TBX5: variants seen among roughly 807,000 people sequenced by gnomAD.
TBX5 encodes the protein T-box transcription factor TBX5.
TBX5 carries 8 observed loss-of-function variants against 51.1 expected under a neutral mutation model. The ratio of observed to expected loss-of-function variants is 0.16; its 90% CI spans 0.09 to 0.28. TBX5 has a LOEUF of 0.28. Ranked by LOEUF, TBX5 falls within the 10% of genes least tolerant of loss-of-function variation. The probability of loss-of-function intolerance (pLI) is 1.00; values close to 1 mark genes in which losing one functional copy is unlikely to be tolerated. For missense variants in TBX5, 589 were observed against 671.7 expected (o/e 0.88, Z 1.36); for synonymous variants, 302 against 266.4 (o/e 1.13, Z -1.30).
At chr12:114,394,400 A>G (rs943445159) in intron 6 of TBX5, among the ~76,000 whole-genome samples, 9 of 152,212 alleles carry the variant, frequency 5.9e-5, no homozygotes, top group Non-Finnish European at 1.0e-4. Flanking sequence ...TGGCAGCACC[A>G]GAGCCATTAA....
chr12:114,368,855 C>T (rs966178804), intron 7 of TBX5, among the ~76,000 whole-genome samples: 12 of 152,134 alleles, frequency 7.9e-5, no homozygotes, highest in African/African-American at 2.9e-4. Context: ...CAGGGGTCTC[C>T]TAGCCCAGCT....
Position 114,385,435 on chromosome 12 carries a change from G to A in TBX5, c.755+41C>T, listed in dbSNP as rs2277378. On this transcript the variant is annotated intron_variant, in intron 7 of 8. Transcript: ENST00000405440. ...GCTGGCTTACCTGGGTAATTTGAGG[G>A]GTATGTGGGGAGGAGAAAGTTGAGG... The A allele has an allele frequency of 2.2e-3, 3,491 of 1,570,882 alleles. 64 individuals carry two copies. In the East Asian group the frequency reaches 0.052, roughly 24 times the overall value.
At chr12:114,365,511 T>A (rs1480837961) in intron 8 of TBX5, among the ~76,000 whole-genome samples, 1 of 152,084 alleles carries the variant, frequency 6.6e-6, no homozygotes, top group Non-Finnish European at 1.5e-5. Context: ...ATACATACAG[T>A]GTGATTTCAT....
chr12:114,381,593 A>G (rs1308733936), intron 7 of TBX5, among the ~76,000 whole-genome samples: 1 of 152,188 alleles, frequency 6.6e-6, no homozygotes, highest in East Asian at 1.9e-4. Context: ...TATAATTTTT[A>G]CAGGAACCCT....
At chr12:114,370,938 G>A (rs562045641) in intron 7 of TBX5, among the ~76,000 whole-genome samples, 17 of 151,786 alleles carry the variant, frequency 1.1e-4, no homozygotes, top group East Asian at 3.9e-4. Flanking sequence ...TACCCCTCCC[G>A]CCCTTCCTTC....
chr12:114,407,907 C>T (rs1280865262), upstream of TBX5: 21 of 985,314 alleles, frequency 2.1e-5, no homozygotes, highest in Non-Finnish European at 4.8e-6. Flanking sequence ...AAAGGACCAC[C>T]AAAAGAGACC....
intron 6 of TBX5, among the ~76,000 whole-genome samples, chr12:114,393,303 A>G (rs914696521): frequency 6.6e-6 from 1 of 152,000 alleles, no homozygotes; most frequent in African/African-American, 2.4e-5. Context: ...ACATCCATCT[A>G]GGTGACCTGC....
intron 7 of TBX5, among the ~76,000 whole-genome samples, chr12:114,381,277 G>A (rs552854778): frequency 6.6e-6 from 1 of 152,290 alleles, no homozygotes; most frequent in South Asian, 2.1e-4. Flanking sequence ...GTTGGAATTA[G>A]AGGATATTTC....
intron 8 of TBX5, among the ~76,000 whole-genome samples, chr12:114,361,141 A>C (rs775577486): frequency 1.3e-5 from 2 of 152,168 alleles, no homozygotes; most frequent in Non-Finnish European, 2.9e-5. Flanking sequence ...TCAGCCACAT[A>C]AGCTTAAAAT....
intron 6 of TBX5, among the ~76,000 whole-genome samples, chr12:114,393,000 T>G (rs762723455): frequency 2.6e-5 from 4 of 152,116 alleles, no homozygotes; most frequent in Non-Finnish European, 5.9e-5. Flanking sequence ...CAGACAGGCT[T>G]TGTGGCCTGG....
intron 7 of TBX5, among the ~76,000 whole-genome samples, chr12:114,373,580 T>C (rs1050578899): frequency 6.6e-6 from 1 of 152,190 alleles, no homozygotes; most frequent in Non-Finnish European, 1.5e-5. Context: ...TGCCTCAGCC[T>C]CCCAAGTAGC....
chr12:114,401,165 GCTAAAA>G (rs1871788499), intron 3 of TBX5, among the ~76,000 whole-genome samples: 1 of 152,192 alleles, frequency 6.6e-6, no homozygotes, highest in Non-Finnish European at 1.5e-5. Flanking sequence ...AGCATTTCTA[GCTAAAA>G]CTCTGCGAGC....
chr12:114,364,459 C>T (rs775511438), intron 8 of TBX5, among the ~76,000 whole-genome samples: 3 of 152,190 alleles, frequency 2.0e-5, no homozygotes, highest in Admixed American at 1.3e-4. Context: ...CCCATATTTA[C>T]AGATTTTTAA....
intron 7 of TBX5, among the ~76,000 whole-genome samples, chr12:114,378,341 G>A (rs1329872067): frequency 6.6e-6 from 1 of 152,172 alleles, no homozygotes; most frequent in African/African-American, 2.4e-5. Flanking sequence ...CCAGTTTAGT[G>A]GAAAGGGGGT....
rs1434406797 is a variant in TBX5, at chr12:114,354,345, T to C, written c.*1187A>G. 1 of 152,194 alleles carries C rather than the reference T, an allele frequency of 6.6e-6. No homozygotes were observed. The highest frequency in any genetic ancestry group is 1.5e-5 in the Non-Finnish European group (1 of 68,038). 9.4% of individuals were successfully genotyped at this position (152,194 alleles called of 1,614,324 possible). Reference sequence around the variant, plus strand: ...ATAAATAAATAGTACCAGTAAAATATTACATCTGAAGAACCCTACCATAAC... The same window carrying C: ...ATAAATAAATAGTACCAGTAAAATACTACATCTGAAGAACCCTACCATAAC... On this transcript the variant is annotated 3_prime_UTR_variant, in exon 9 of 9. Coordinates refer to ENST00000405440, the MANE Select transcript of TBX5 (RefSeq NM_181486.4).
chr12:114,384,164 C>T (rs572224334), intron 7 of TBX5, among the ~76,000 whole-genome samples: 1 of 152,174 alleles, frequency 6.6e-6, no homozygotes, highest in Middle Eastern at 3.4e-3. Flanking sequence ...CAAAAAGTAC[C>T]TTGTGAGTCC....
Position 114,394,865 on chromosome 12 carries a change from T to A in TBX5, c.539A>T (p.Gln180Leu). Residue 180 changes from glutamine to leucine, a missense_variant, in exon 6 of 9, where the codon CAG becomes CTG. Gln to Leu is a moderately radical substitution (Grantham distance 113). This residue lies in a region of TBX5 where 20 missense variants were observed against 50.9 expected (regional missense o/e 0.39). Coordinates refer to ENST00000405440, the MANE Select transcript of TBX5 (RefSeq NM_181486.4). ...CGCTTTCACGATGTGTAATCTAGGC[T>A]GGTATTTGTGCATGGAATTTAGAAT... is the stretch of plus-strand genomic sequence containing the variant. ...HIILNSMHKY[Q>L]PRLHIVKADE... The A allele has an allele frequency of 6.2e-7, 1 of 1,614,114 alleles. No homozygotes were observed. The highest frequency in any genetic ancestry group is 8.5e-7 in the Non-Finnish European group (1 of 1,179,992).
At chr12:114,395,293 G>A (rs930687252) in intron 5 of TBX5, among the ~76,000 whole-genome samples, 2 of 152,000 alleles carry the variant, frequency 1.3e-5, no homozygotes, top group African/African-American at 2.4e-5. Flanking sequence ...GTAGGGGCAC[G>A]GGGACAAACA....
intron 7 of TBX5, among the ~76,000 whole-genome samples, chr12:114,368,982 G>A (rs1869708925): frequency 6.6e-6 from 1 of 151,738 alleles, no homozygotes; most frequent in Admixed American, 6.6e-5. Context: ...CTCTTGCTTT[G>A]TGGTTCAAGC....
Sources: allele counts gnomAD v4.1 joint callset (sites outside exome capture counted in the v4.1 genomes callset), GRCh38; gene constraint gnomAD v4.1.1; regional missense constraint gnomAD v4.1.1; transcripts MANE v1.5; gene names NCBI Gene and HGNC (gene_info 2026-07-23, HGNC 2026-07-21).